Variants in UBA6 observed in about 807,000 individuals in gnomAD.
UBA6 encodes ubiquitin-like modifier-activating enzyme 6.
Under a neutral mutation model 148.3 loss-of-function variants are expected in UBA6, and 87 were observed. The ratio of observed to expected loss-of-function variants is 0.59; its 90% CI spans 0.49 to 0.70. UBA6 has a LOEUF of 0.70. UBA6 is among the 30% of genes least tolerant of loss of function. UBA6 has a pLI of 0.00. For synonymous variants in UBA6, 376 were observed against 401.0 expected, an observed-to-expected ratio of 0.94 and a Z score of 0.75; for missense variants, 1,186 against 1,241.2, an observed-to-expected ratio of 0.96 and a Z score of 0.67.
At chr4:67,620,652 T>C (rs1268152922) in intron 32 of UBA6, among the ~76,000 whole-genome samples, 1 of 152,212 alleles carries the variant, frequency 6.6e-6, no homozygotes, top group Admixed American at 6.5e-5. Context: ...CAATTTCCTT[T>C]AATAGACTGT....
At chr4:67,669,446 A>G (rs1285830688) in intron 8 of UBA6, among the ~76,000 whole-genome samples, 1 of 152,198 alleles carries the variant, frequency 6.6e-6, no homozygotes, top group East Asian at 1.9e-4. Flanking sequence ...AAGTGTAAAG[A>G]CAGAAGTACA....
chr4:67,641,185 T>G lies in UBA6; in HGVS notation c.1520A>C (p.Asn507Thr), dbSNP rs747342890. The change falls in exon 18 of 33, where the codon AAT becomes ACT. Residue 507 changes from asparagine (N) to threonine (T), a missense_variant. Coordinates refer to ENST00000322244, the MANE Select transcript of UBA6 (RefSeq NM_018227.6). The stretch of plus-strand genomic sequence containing the variant: ...ATGAGGACGAAATAGGAACTGTCTA[T>G]TTAAGTTGGATTTCTCTATCAAGTC... ...DPDLIEKSNLNRQFLFRPHHI... is the reference protein window; with the variant it reads ...DPDLIEKSNLTRQFLFRPHHI... The G allele has an allele frequency of 1.4e-5, 22 of 1,599,960 alleles. No homozygotes were observed. The highest frequency in any genetic ancestry group is 1.9e-5 in the Non-Finnish European group (22 of 1,173,984).
In UBA6 at chr4:67,641,155, ATG is replaced by A; in HGVS notation, c.1548_1549del (p.Ile517ThrfsTer4). 6.3e-7 allele frequency: 1 copy of A among 1,582,760 alleles called. No homozygotes were observed. Among genetic ancestry groups the A allele is most frequent in the Non-Finnish European group, 8.6e-7 (1 of 1,161,448 alleles). On this transcript the variant is annotated frameshift_variant, in exon 18 of 33. Coordinates refer to ENST00000322244, the MANE Select transcript of UBA6 (RefSeq NM_018227.6). LOFTEE classifies it high-confidence loss of function. ...TGAAACAGAATAGCAACATACCTGT[ATG>A]TGATGAGGACGAAATAGGAACTGTC...
At chr4:67,628,032 C>T (rs909386471) in intron 27 of UBA6, among the ~76,000 whole-genome samples, 7 of 150,348 alleles carry the variant, frequency 4.7e-5, no homozygotes, top group African/African-American at 1.7e-4. Flanking sequence ...ACCACCCAAG[C>T]AGCTAAATTC....
intron 13 of UBA6, among the ~76,000 whole-genome samples, chr4:67,657,155 T>C (rs1395194813): frequency 6.6e-6 from 1 of 152,178 alleles, no homozygotes; most frequent in South Asian, 2.1e-4. Flanking sequence ...TACCAATGAC[T>C]TTCTTCACAG....
chr4:67,663,383 T>A (rs988938224), intron 11 of UBA6, 168 bp from the exon 12 acceptor site: 4 of 507,004 alleles, frequency 7.9e-6, no homozygotes, highest in Non-Finnish European at 1.4e-5. Flanking sequence ...AGAAGTTAAA[T>A]GACTTAACCT....
At chr4:67,682,076 T>C (rs1417263316) in intron 3 of UBA6, 43 bp downstream of exon 3, 2 of 1,418,378 alleles carry the variant, frequency 1.4e-6, no homozygotes, top group Non-Finnish European at 2.0e-6. Flanking sequence ...ACTATCTTCA[T>C]TGCTCAAAAG....
intron 4 of UBA6, among the ~76,000 whole-genome samples, chr4:67,679,258 C>G (rs2109948124): frequency 6.6e-6 from 1 of 152,002 alleles, no homozygotes; most frequent in African/African-American, 2.4e-5. Flanking sequence ...TCTACAAAAA[C>G]AAATGAAGAA....
chr4:67,640,166 A>G lies in UBA6; in HGVS notation c.1554+985T>C, dbSNP rs979717442. On this transcript the variant is annotated intron_variant, in intron 18 of 32. Transcript: ENST00000322244. ...TCACATTCTTAGGCTGACACATTTC[A>G]CTTATTAGTGTTCTAAGTGTACAAA... 6.6e-5 allele frequency among the ~76,000 whole-genome samples: 10 copies of G among 152,190 alleles called. No individual in the cohort carries two copies. The South Asian group carries it at 1.0e-3, about 16-fold the overall frequency.
rs527238023 is a variant in UBA6 at position 67,632,498 on chromosome 4, T to TA, written c.2143-591dup. On this transcript the variant is annotated intron_variant, in intron 23 of 32. Coordinates refer to ENST00000322244, the MANE Select transcript of UBA6 (RefSeq NM_018227.6). Reference sequence around the variant, plus strand: ...AATATTTTTCATTATAAAAAAAGTTTAAAAAAAATGCACAGAAGATAAGAA... The same window carrying TA: ...AATATTTTTCATTATAAAAAAAGTTTAAAAAAAAATGCACAGAAGATAAGAA... Among the ~76,000 whole-genome samples the TA allele has an allele frequency of 3.9e-5, 6 of 152,076 alleles. No homozygotes were observed. In the East Asian group the frequency reaches 9.7e-4, roughly 24 times the overall value.
chr4:67,628,939 TC>T (rs1728934715), intron 27 of UBA6, 131 bp downstream of exon 27: 2 of 677,036 alleles, frequency 3.0e-6, no homozygotes, highest in Non-Finnish European at 5.3e-6. Flanking sequence ...CAAATCTACT[TC>T]AAACTCAAGT....
intron 28 of UBA6, among the ~76,000 whole-genome samples, chr4:67,625,476 A>G (rs1728846895): frequency 6.6e-6 from 1 of 152,040 alleles, no homozygotes; most frequent in Admixed American, 6.5e-5. Context: ...ATAAATAGCA[A>G]AATAAGAAAG....
intron 16 of UBA6, 48 bp downstream of exon 16, chr4:67,645,890 A>G: frequency 2.5e-6 from 3 of 1,182,120 alleles, no homozygotes; most frequent in Non-Finnish European, 2.4e-6. Flanking sequence ...TTAAGTTGAT[A>G]TACGATAGCA....
chr4:67,651,909 TG>T (rs1729561439), intron 13 of UBA6, among the ~76,000 whole-genome samples: 1 of 152,222 alleles, frequency 6.6e-6, no homozygotes, highest in African/African-American at 2.4e-5. Flanking sequence ...ATCTATACTT[TG>T]TGCAGTATAT....
At position 67,656,000 on chromosome 4, in the gene UBA6, T is replaced by A. The variant is rs532692094; in HGVS notation, c.1104+6189A>T. On this transcript the variant is annotated intron_variant, in intron 13 of 32. Transcript: ENST00000322244. The stretch of plus-strand genomic sequence containing the variant: ...CAAGACTAAACCAGAAAAAGTTGAA[T>A]CTCTGAATAGAACAATAACAGGTTC... Among the ~76,000 whole-genome samples the A allele has an allele frequency of 3.3e-5, 5 of 152,282 alleles. No homozygotes were observed. In the East Asian group the frequency reaches 9.7e-4, roughly 29 times the overall value.
intron 19 of UBA6, among the ~76,000 whole-genome samples, chr4:67,637,122 C>T (rs1346612500): frequency 1.3e-5 from 2 of 151,926 alleles, no homozygotes; most frequent in East Asian, 3.9e-4. Context: ...CCAGCAGCCA[C>T]CCCGTCTGGG....
intron 2 of UBA6, among the ~76,000 whole-genome samples, chr4:67,693,662 A>G (rs1730752011): frequency 6.6e-6 from 1 of 152,208 alleles, no homozygotes; most frequent in South Asian, 2.1e-4. Flanking sequence ...TAACTCGGTA[A>G]GCTATAGTAT....
chr4:67,696,599 A>G, intron 2 of UBA6, 46 bp downstream of exon 2: 1 of 1,456,538 alleles, frequency 6.9e-7, no homozygotes, highest in Non-Finnish European at 9.5e-7. Context: ...ATTATTTGAG[A>G]ACAATTAATG....
rs537933545 is a variant in UBA6, at chr4:67,632,445, T to C, written c.2143-537A>G. Reference sequence around the variant, plus strand: ...TTGACAATTACATTAGGGTTCATTATACTATTTCCTCTACATTTCTATGGC... The same window carrying C: ...TTGACAATTACATTAGGGTTCATTACACTATTTCCTCTACATTTCTATGGC... On this transcript the variant is annotated intron_variant, in intron 23 of 32. Coordinates refer to ENST00000322244, the MANE Select transcript of UBA6 (RefSeq NM_018227.6). 1.4e-4 allele frequency among the ~76,000 whole-genome samples: 21 copies of C among 152,328 alleles called. No homozygotes were observed. The East Asian group carries it at 2.9e-3, about 21-fold the overall frequency.
Sources: allele counts gnomAD v4.1 joint callset (sites outside exome capture counted in the v4.1 genomes callset), GRCh38; gene constraint gnomAD v4.1.1; transcripts MANE v1.5; gene names NCBI Gene and HGNC (gene_info 2026-07-23, HGNC 2026-07-21).